KIF21B: variants seen among roughly 807,000 people sequenced by gnomAD.
KIF21B encodes kinesin-like protein KIF21B.
In KIF21B, 85 loss-of-function variants were observed where a neutral mutation model predicts 192.9. The ratio of observed to expected loss-of-function variants is 0.44; its 90% confidence interval spans 0.37 to 0.53. The LOEUF (loss-of-function observed/expected upper bound fraction) is 0.53, where lower values mean the gene tolerates loss of function less well. Ranked by LOEUF, KIF21B falls within the 20% of genes least tolerant of loss-of-function variation. The pLI, the probability that KIF21B is intolerant of heterozygous loss-of-function variation, is 0.00. For missense variants in KIF21B, 1,716 were observed against 2,194.8 expected (o/e 0.78, Z 4.36); for synonymous variants, 832 against 884.6 (o/e 0.94, Z 1.05).
At chr1:200,980,504 A>T (rs1051146354) in intron 29 of KIF21B, among the ~76,000 whole-genome samples, 9 of 152,202 alleles carry the variant, frequency 5.9e-5, no homozygotes, top group African/African-American at 2.2e-4. Flanking sequence ...CTCTTGCCTC[A>T]TGCTTCCAAA....
chr1:200,989,605 C>T (rs755982250), intron 21 of KIF21B, among the ~76,000 whole-genome samples: 2 of 152,234 alleles, frequency 1.3e-5, no homozygotes, highest in Non-Finnish European at 2.9e-5. Flanking sequence ...ACACTTCTCC[C>T]TCCACCTCCA....
In KIF21B at chr1:200,999,425, TTCC is replaced by T. The variant is rs1323413225; in HGVS notation, c.1806_1808del (p.Glu603del). On this transcript the variant is annotated inframe_deletion, in exon 13 of 35. Coordinates refer to ENST00000461742, the MANE Select transcript of KIF21B (RefSeq NM_001252102.2). This position sits in a 1 kb window ranked among gnomAD's most constrained non-coding sequence, Gnocchi z 4.7. ...AGTCCTCATCTTCATCCTCGCGCCCTTCCTCCTCCTCACAGCCACTCTCGTCTC... is the reference window on the plus strand; with the variant it reads ...AGTCCTCATCTTCATCCTCGCGCCCTTCCTCCTCACAGCCACTCTCGTCTC... 5.0e-6 allele frequency: 8 copies of T among 1,614,086 alleles called. No homozygotes were observed. Among genetic ancestry groups the T allele is most frequent in the African/African-American group, 1.3e-5 (1 of 75,036 alleles).
rs371010091 is a variant in KIF21B, at chr1:201,000,497, G to A, written c.1578C>T (p.Phe526=). Residue 526 remains phenylalanine (F), a synonymous_variant, in exon 11 of 35, where the codon TTC becomes TTT. Coordinates refer to ENST00000461742, the MANE Select transcript of KIF21B (RefSeq NM_001252102.2). The surrounding 1 kb of genome is among the most constrained non-coding windows in gnomAD (Gnocchi z 6.0). ...SLGASPAAPA[F]GGSPASSMED... is the part of the protein sequence containing the mutation. ...CCATGGAGCTGGCAGGGCTGCCCCC[G>A]AAGGCCGGGGCGGCTGGAGAAGCAC... 5.0e-6 allele frequency: 8 copies of A among 1,608,698 alleles called. No homozygotes were observed. The highest frequency in any genetic ancestry group is 4.4e-5 in the South Asian group (4 of 90,900).
Position 200,990,067 on chromosome 1 carries a change from C to T in KIF21B, c.3031-24G>A. ...TCCTAGGACCGGGAGGCAGAGAGCC[C>T]CGTCACCTGGGGCTACCCCTGCCAC... is the stretch of plus-strand genomic sequence containing the variant. On this transcript the variant is annotated intron_variant, in intron 20 of 34. Coordinates refer to ENST00000461742, the MANE Select transcript of KIF21B (RefSeq NM_001252102.2). This position sits in a 1 kb window ranked among gnomAD's most constrained non-coding sequence, Gnocchi z 5.4. 2 of 1,612,750 alleles carry T rather than the reference C, an allele frequency of 1.2e-6. No homozygotes were observed. Among genetic ancestry groups the T allele is most frequent in the South Asian group, 1.1e-5 (1 of 91,012 alleles).
intron 14 of KIF21B, among the ~76,000 whole-genome samples, chr1:200,997,747 T>G (rs1657167153): frequency 1.9e-5 from 2 of 103,384 alleles, no homozygotes; most frequent in Admixed American, 8.3e-5. Flanking sequence ...TGATTTGTTT[T>G]GTCTCAAAAC....
At position 201,017,288 on chromosome 1, in the gene KIF21B, G is replaced by T. The variant is rs1053399798; in HGVS notation, c.41+6055C>A. Among the ~76,000 whole-genome samples the T allele has an allele frequency of 6.6e-6, 1 of 152,198 alleles. No homozygotes were observed. Among genetic ancestry groups the T allele is most frequent in the Admixed American group, 6.5e-5 (1 of 15,288 alleles). On this transcript the variant is annotated intron_variant, in intron 1 of 34. Coordinates refer to ENST00000461742, the MANE Select transcript of KIF21B (RefSeq NM_001252102.2). This position sits in a 1 kb window ranked among gnomAD's most constrained non-coding sequence, Gnocchi z 4.1. ...GAAAGAAGGGGCCAGTCCCTGTCCT[G>T]AGTTGGATATATCCCCAGCCTGCCA...
In KIF21B at chr1:201,000,973, G is replaced by A. The variant is rs193030458; in HGVS notation, c.1403-193C>T. Among the ~76,000 whole-genome samples the A allele has an allele frequency of 9.9e-4, 150 of 152,250 alleles. No homozygotes were observed. Among genetic ancestry groups the A allele is most frequent in the African/African-American group, 3.2e-3 (133 of 41,536 alleles). On this transcript the variant is annotated intron_variant, in intron 9 of 34. Coordinates refer to ENST00000461742, the MANE Select transcript of KIF21B (RefSeq NM_001252102.2). This position sits in a 1 kb window ranked among gnomAD's most constrained non-coding sequence, Gnocchi z 6.0. Reference sequence around the variant, plus strand: ...AAATACAAAATTAGCCGGGCGTGGTGGCGCATGCCTCTAATCCCAGCTACT... The same window carrying A: ...AAATACAAAATTAGCCGGGCGTGGTAGCGCATGCCTCTAATCCCAGCTACT...
intron 15 of KIF21B, 134 bp from the exon 16 acceptor site, chr1:200,992,523 G>T: frequency 1.1e-6 from 1 of 894,054 alleles, no homozygotes. Context: ...CAGGGCCTGG[G>T]GGTCTGAAGT....
Position 200,996,343 on chromosome 1 carries a change from A to G in KIF21B, c.2130T>C (p.Tyr710=). Residue 710 remains tyrosine, a synonymous_variant, in exon 15 of 35, where the codon TAT becomes TAC. Coordinates refer to ENST00000461742, the MANE Select transcript of KIF21B (RefSeq NM_001252102.2). ...GGTTCATCTCCCGCAGCCTCTTCTC[A>G]TAGTCTGCCTTGATCTTGTTGGCCT... The part of the protein sequence containing the change: ...EEKANKIKAD[Y]EKRLREMNRD... The G allele has an allele frequency of 6.2e-7, 1 of 1,614,080 alleles. No individual in the cohort carries two copies. The highest frequency in any genetic ancestry group is 8.5e-7 in the Non-Finnish European group (1 of 1,180,020).
Position 201,005,341 on chromosome 1 carries a change from C to A in KIF21B, c.699G>T (p.Leu233=). ...GCTGGGTGCACATGCGCATCTGGCA[C>A]AGGTGGATGGTGAAGATGGCGTGGG... is the stretch of plus-strand genomic sequence containing the variant. The part of the protein sequence containing the change: ...SRSHAIFTIH[L]CQMRMCTQPD... The change falls in exon 5 of 35, where the codon CTG becomes CTT. Residue 233 remains leucine (L), a synonymous_variant. Transcript: ENST00000461742. 1 of 1,611,726 alleles carries A rather than the reference C, an allele frequency of 6.2e-7. No individual in the cohort carries two copies.
intron 31 of KIF21B, 32 bp from the exon 32 acceptor site, chr1:200,976,925 G>A (rs1034647421): frequency 1.3e-6 from 2 of 1,520,090 alleles, no homozygotes; most frequent in African/African-American, 1.4e-5. Flanking sequence ...CCAGGGGTAG[G>A]TGAATTAGAG....
intron 15 of KIF21B, 32 bp downstream of exon 15, chr1:200,996,164 C>T: frequency 1.2e-6 from 2 of 1,602,854 alleles, no homozygotes; most frequent in African/African-American, 1.3e-5. Context: ...ACAGGCACTC[C>T]AGGCCCCACT....
At position 200,975,911 on chromosome 1, in the gene KIF21B, G is replaced by A. The variant is rs1477514732; in HGVS notation, c.4444-242C>T. On this transcript the variant is annotated intron_variant, in intron 32 of 34. Coordinates refer to ENST00000461742, the MANE Select transcript of KIF21B (RefSeq NM_001252102.2). The surrounding 1 kb of genome is among the most constrained non-coding windows in gnomAD (Gnocchi z 4.3). Reference sequence around the variant, plus strand: ...TCCTGTGGATACTGGGGCAGGGGTGGGAGGAGACCAACTCAAGTAATGCAG... The same window carrying A: ...TCCTGTGGATACTGGGGCAGGGGTGAGAGGAGACCAACTCAAGTAATGCAG... Among the ~76,000 whole-genome samples, 1 of 152,098 alleles carries A rather than the reference G, an allele frequency of 6.6e-6. No individual in the cohort carries two copies. The highest frequency in any genetic ancestry group is 1.5e-5 in the Non-Finnish European group (1 of 68,004).
rs1658572976 is a variant in KIF21B, at chr1:201,017,461, C to A, written c.41+5882G>T. ...CTGCAGCGCCACTCTCCCTGTCCCA[C>A]CCCCATCTCAGGGCATCTGGCAGGG... On this transcript the variant is annotated intron_variant, in intron 1 of 34. Transcript: ENST00000461742. The surrounding 1 kb of genome is among the most constrained non-coding windows in gnomAD (Gnocchi z 4.1). Among the ~76,000 whole-genome samples the A allele has an allele frequency of 6.6e-6, 1 of 152,212 alleles. No homozygotes were observed. Among genetic ancestry groups the A allele is most frequent in the African/African-American group, 2.4e-5 (1 of 41,452 alleles).
chr1:200,987,148 G>T lies in KIF21B; in HGVS notation c.3462C>A (p.Gly1154=), dbSNP rs756584385. Residue 1154 remains glycine, a synonymous_variant, in exon 25 of 35, where the codon GGC becomes GGA. Transcript: ENST00000461742. ...QMKAVSAECL[G]PPLDISTKNI... is the part of the protein sequence containing the mutation. ...TCTTGGTGGAGATATCCAGTGGGGGGCCCAGGCACTCAGCCGACACAGCTT... is the reference window on the plus strand; with the variant it reads ...TCTTGGTGGAGATATCCAGTGGGGGTCCCAGGCACTCAGCCGACACAGCTT... The T allele has an allele frequency of 6.2e-7, 1 of 1,614,014 alleles. No homozygotes were observed. Among genetic ancestry groups the T allele is most frequent in the Non-Finnish European group, 8.5e-7 (1 of 1,180,012 alleles).
In KIF21B at chr1:200,982,045, T is replaced by C. The variant is rs1338403718; in HGVS notation, c.3843-949A>G. ...GGGTCTACTGAAATGATCAAGGTTT[T>C]GCCTGTGGCGCTTCTGGCACAGCTC... On this transcript the variant is annotated intron_variant, in intron 28 of 34. Coordinates refer to ENST00000461742, the MANE Select transcript of KIF21B (RefSeq NM_001252102.2). This position sits in a 1 kb window ranked among gnomAD's most constrained non-coding sequence, Gnocchi z 4.7. Among the ~76,000 whole-genome samples the C allele has an allele frequency of 2.6e-5, 4 of 152,188 alleles. No homozygotes were observed. Among genetic ancestry groups the C allele is most frequent in the Admixed American group, 6.5e-5 (1 of 15,276 alleles).
rs1571974984 is a variant in KIF21B, at chr1:201,017,633, C to T, written c.41+5710G>A. On this transcript the variant is annotated intron_variant, in intron 1 of 34. Transcript: ENST00000461742. This position sits in a 1 kb window ranked among gnomAD's most constrained non-coding sequence, Gnocchi z 4.1. ...GGGGATGCTCCCCTGCTGAGGAATG[C>T]AGAGCAACAGAAGGCTGGCTGTGGA... 6.6e-6 allele frequency among the ~76,000 whole-genome samples: 1 copy of T among 152,338 alleles called. No homozygotes were observed. Among genetic ancestry groups the T allele is most frequent in the East Asian group, 1.9e-4 (1 of 5,192 alleles).
intron 28 of KIF21B, 106 bp from the exon 29 acceptor site, chr1:200,981,202 G>C: frequency 8.1e-7 from 1 of 1,234,846 alleles, no homozygotes; most frequent in Non-Finnish European, 1.1e-6. Flanking sequence ...GAGGGGATGA[G>C]GACCAAATAA....
chr1:200,989,065 A>G, intron 21 of KIF21B, 134 bp from the exon 22 acceptor site: 1 of 898,588 alleles, frequency 1.1e-6, no homozygotes, highest in Non-Finnish European at 1.6e-6. Context: ...TACCTGGCAC[A>G]GACCTGAGAG....
Sources: gnomAD v4.1 joint callset for allele counts (sites outside exome capture counted in the v4.1 genomes callset) on GRCh38, gnomAD v4.1.1 for gene constraint, Gnocchi (gnomAD v3.1) non-coding constraint, MANE v1.5 for transcripts, NCBI Gene and HGNC (gene_info 2026-07-23, HGNC 2026-07-21) for gene names.